TLN2: variants seen among roughly 807,000 people sequenced by gnomAD.
TLN2 encodes talin-2.
Under a neutral mutation model 294.7 loss-of-function variants are expected in TLN2, and 118 were observed. That is an observed-to-expected ratio of 0.40 (90% CI 0.34 to 0.47). The LOEUF is 0.47. Among genes scored for constraint, TLN2 ranks in the 20% least tolerant of loss-of-function variants. TLN2 has a pLI of 0.84. For missense variants in TLN2, 3,083 were observed against 3,282.2 expected, an observed-to-expected ratio of 0.94 and a Z score of 1.48; for synonymous variants, 1,431 against 1,304.5, an observed-to-expected ratio of 1.10 and a Z score of -2.09.
chr15:62,767,122 A>G (rs1413157213), intron 41 of TLN2, among the ~76,000 whole-genome samples: 1 of 152,228 alleles, frequency 6.6e-6, no homozygotes, highest in Non-Finnish European at 1.5e-5. Flanking sequence ...GTATAGATGT[A>G]CATAGGAAGA....
intron 1 of TLN2, among the ~76,000 whole-genome samples, chr15:62,524,823 C>T (rs1339273242): frequency 2.6e-5 from 4 of 152,124 alleles, no homozygotes; most frequent in Non-Finnish European, 2.9e-5. Context: ...TGTTGGTATC[C>T]TTTGTCCATG....
chr15:62,512,056 T>A (rs1462842056), intron 1 of TLN2, among the ~76,000 whole-genome samples: 2 of 152,200 alleles, frequency 1.3e-5, no homozygotes, highest in African/African-American at 4.8e-5. Context: ...CAGCACTTAC[T>A]TCTTCAGTCA....
At chr15:62,729,207 A>G (rs573974053) in intron 28 of TLN2, among the ~76,000 whole-genome samples, 2 of 152,298 alleles carry the variant, frequency 1.3e-5, no homozygotes, top group African/African-American at 4.8e-5. Flanking sequence ...GCCTGTTCTT[A>G]TATTAGTACT....
chr15:62,781,686 T>C lies in TLN2; in HGVS notation c.5616+445T>C, dbSNP rs113634838. Reference sequence around the variant, plus strand: ...GAGATTATCTGATGAAATCAAGTTATAATACTTGGAAAATAAGGTATTGCC... The same window carrying C: ...GAGATTATCTGATGAAATCAAGTTACAATACTTGGAAAATAAGGTATTGCC... On this transcript the variant is annotated intron_variant, in intron 44 of 58. Coordinates refer to ENST00000636159, the MANE Select transcript of TLN2 (RefSeq NM_015059.3). Among the ~76,000 whole-genome samples, 1,189 of 152,272 alleles carry C rather than the reference T, an allele frequency of 7.8e-3. 23 individuals carry two copies. Among genetic ancestry groups the C allele is most frequent in the African/African-American group, 0.023 (952 of 41,560 alleles).
intron 3 of TLN2, among the ~76,000 whole-genome samples, chr15:62,636,535 A>C (rs1281552931): frequency 6.6e-6 from 1 of 152,208 alleles, no homozygotes; most frequent in African/African-American, 2.4e-5. Context: ...GTTAACATAG[A>C]TAAGTGGCAA....
intron 1 of TLN2, among the ~76,000 whole-genome samples, chr15:62,547,588 TGAAGGTGGCTGGA>T (rs1434416768): frequency 6.6e-6 from 1 of 152,242 alleles, no homozygotes; most frequent in African/African-American, 2.4e-5. Context: ...TAAAAGACTT[TGAAGGTGGCTGGA>T]ACCTATTGTT....
chr15:62,716,672 A>G (rs936468898), intron 23 of TLN2, among the ~76,000 whole-genome samples: 9 of 152,224 alleles, frequency 5.9e-5, no homozygotes, highest in African/African-American at 2.2e-4. Context: ...CAGGAATAGA[A>G]TTTAGACTCT....
chr15:62,526,678 A>G (rs888202904), intron 1 of TLN2, among the ~76,000 whole-genome samples: 4 of 152,180 alleles, frequency 2.6e-5, no homozygotes, highest in Non-Finnish European at 1.5e-5. Flanking sequence ...TTTAAATCTC[A>G]TGTTTTCTCT....
chr15:62,409,618 A>G (rs1278510249), intron 1 of TLN2, among the ~76,000 whole-genome samples: 1 of 152,188 alleles, frequency 6.6e-6, no homozygotes, highest in African/African-American at 2.4e-5. Context: ...TGTGAAATAT[A>G]TTTTAGATTT....
At chr15:62,534,195 T>C (rs1480209394) in intron 1 of TLN2, among the ~76,000 whole-genome samples, 1 of 152,132 alleles carries the variant, frequency 6.6e-6, no homozygotes, top group Non-Finnish European at 1.5e-5. Flanking sequence ...TTGATTCTCC[T>C]GCAGACACCA....
chr15:62,744,856 T>C (rs963416813), intron 32 of TLN2, among the ~76,000 whole-genome samples: 4 of 152,168 alleles, frequency 2.6e-5, no homozygotes, highest in African/African-American at 9.7e-5. Context: ...TAGATTATTT[T>C]TTAATCTCTG....
At chr15:62,540,808 T>C (rs2041639050) in intron 1 of TLN2, among the ~76,000 whole-genome samples, 1 of 152,142 alleles carries the variant, frequency 6.6e-6, no homozygotes, top group Admixed American at 6.6e-5. Flanking sequence ...AAAGGCAGAA[T>C]TAATATACTC....
At chr15:62,465,648 C>G (rs563272783) in intron 1 of TLN2, among the ~76,000 whole-genome samples, 25 of 152,176 alleles carry the variant, frequency 1.6e-4, no homozygotes, top group Non-Finnish European at 3.7e-4. Context: ...TTTTCTCTAT[C>G]CATGAAACAA....
intron 1 of TLN2, among the ~76,000 whole-genome samples, chr15:62,495,107 C>T (rs139834244): frequency 1.6e-3 from 251 of 152,326 alleles, no homozygotes; most frequent in African/African-American, 5.9e-3. Context: ...CTTGCAATTG[C>T]ACTGTGCAAT....
intron 4 of TLN2, 84 bp from the exon 5 acceptor site, chr15:62,650,000 T>G: frequency 7.4e-7 from 1 of 1,356,892 alleles, no homozygotes; most frequent in Non-Finnish European, 1.0e-6. Context: ...ACATCCTTGC[T>G]GAGTCAGCAG....
chr15:62,688,803 G>A lies in TLN2; in HGVS notation c.1113+2007G>A, dbSNP rs138800228. Among the ~76,000 whole-genome samples the A allele has an allele frequency of 5.9e-5, 9 of 152,076 alleles. No individual in the cohort carries two copies. In the East Asian group the frequency reaches 1.7e-3, roughly 29 times the overall value. On this transcript the variant is annotated intron_variant, in intron 12 of 58. Transcript: ENST00000636159. The stretch of plus-strand genomic sequence containing the variant: ...TTCTCTGAAGTCTACTGTATCTAAT[G>A]TTGACATAGCCACCAATGCTTTTTA...
At chr15:62,609,557 G>C (rs1393877891) in intron 2 of TLN2, among the ~76,000 whole-genome samples, 1 of 152,222 alleles carries the variant, frequency 6.6e-6, no homozygotes, top group Non-Finnish European at 1.5e-5. Context: ...TTATTTTGTA[G>C]AGTATCCCTC....
chr15:62,462,803 C>A (rs1267699878), intron 1 of TLN2, among the ~76,000 whole-genome samples: 2 of 152,188 alleles, frequency 1.3e-5, no homozygotes, highest in Non-Finnish European at 2.9e-5. Context: ...ACAGCATCCT[C>A]TGGCCATTTC....
chr15:62,792,109 G>A (rs1300832206), intron 45 of TLN2, among the ~76,000 whole-genome samples: 1 of 152,178 alleles, frequency 6.6e-6, no homozygotes, highest in Non-Finnish European at 1.5e-5. Flanking sequence ...GGGGAAGGGG[G>A]TGTTCTAGTT....
Sources: allele counts gnomAD v4.1 joint callset (sites outside exome capture counted in the v4.1 genomes callset), GRCh38; gene constraint gnomAD v4.1.1; transcripts MANE v1.5; gene names NCBI Gene and HGNC (gene_info 2026-07-23, HGNC 2026-07-21).